IMPG2: variants seen among roughly 807,000 people sequenced by gnomAD.
IMPG2 encodes the protein interphotoreceptor matrix proteoglycan 2.
IMPG2 carries 91 observed loss-of-function variants against 129.2 expected under a neutral mutation model. That is an observed-to-expected ratio of 0.70 (90% CI 0.59 to 0.84). The LOEUF is 0.84. Among genes scored for constraint, IMPG2 ranks in the 40% least tolerant of loss-of-function variants. The pLI is 0.00. For missense variants in IMPG2, 1,430 were observed against 1,461.7 expected (o/e 0.98, Z 0.35); for synonymous variants, 510 against 517.7 (o/e 0.99, Z 0.20).
At chr3:101,231,268 A>C (rs1000459991) in intron 15 of IMPG2, 123 bp from the exon 16 acceptor site, 3 of 922,520 alleles carry the variant, frequency 3.3e-6, no homozygotes, top group Non-Finnish European at 3.6e-6. Flanking sequence ...GTGAAGCTTC[A>C]TAAAGAGTTG....
Position 101,276,757 on chromosome 3 carries a change from G to C in IMPG2, c.534-44C>G, listed in dbSNP as rs779829269. 8.9e-6 allele frequency: 13 copies of C among 1,464,122 alleles called. No homozygotes were observed. In the East Asian group the frequency reaches 2.7e-4, roughly 31 times the overall value. The allele number at this position is 1,464,122 out of a possible 1,614,324, so 90.7% of individuals were successfully genotyped here. On this transcript the variant is annotated intron_variant, in intron 4 of 18. Coordinates refer to ENST00000193391, the MANE Select transcript of IMPG2 (RefSeq NM_016247.4). The stretch of plus-strand genomic sequence containing the variant: ...GCAGTTAATAAAATGACAGACACAT[G>C]AGAGTTTATTTTGGGATTTTTGGGG...
chr3:101,306,850 A>T lies in IMPG2; in HGVS notation c.335-2538T>A, dbSNP rs534938881. Reference sequence around the variant, plus strand: ...GACAAAGATTTTATAGGCAGTACACAGAAAGCAACAATTATGAAAGAAAAA... The same window carrying T: ...GACAAAGATTTTATAGGCAGTACACTGAAAGCAACAATTATGAAAGAAAAA... On this transcript the variant is annotated intron_variant, in intron 2 of 18. Transcript: ENST00000193391. Among the ~76,000 whole-genome samples, 17 of 152,312 alleles carry T rather than the reference A, an allele frequency of 1.1e-4. No individual in the cohort carries two copies. The South Asian group carries it at 1.9e-3, about 17-fold the overall frequency.
chr3:101,292,537 TC>T (rs1233124192), intron 3 of IMPG2, among the ~76,000 whole-genome samples: 3 of 152,232 alleles, frequency 2.0e-5, no homozygotes, highest in Non-Finnish European at 4.4e-5. Flanking sequence ...CAAGTCATCA[TC>T]TTTCTGCTTC....
intron 18 of IMPG2, among the ~76,000 whole-genome samples, chr3:101,228,269 G>C (rs1183532350): frequency 1.3e-5 from 2 of 152,176 alleles, no homozygotes; most frequent in Admixed American, 1.3e-4. Flanking sequence ...AGTTTAATGA[G>C]ATTTGTAATT....
rs979479484 is a variant in IMPG2, at chr3:101,257,831, C to T, written c.909-58G>A. On this transcript the variant is annotated intron_variant, in intron 9 of 18. Transcript: ENST00000193391. ...AGCTAAGGAAGCACAAAGAAAGGAG[C>T]ATTGAACCCATGAAGAACAAACATT... 5.0e-6 allele frequency: 8 copies of T among 1,584,386 alleles called. No individual in the cohort carries two copies. In the African/African-American group the frequency reaches 1.1e-4, roughly 21 times the overall value.
chr3:101,256,151 AAG>A (rs1200208781), intron 10 of IMPG2, among the ~76,000 whole-genome samples: 1 of 101,092 alleles, frequency 9.9e-6, no homozygotes, highest in Non-Finnish European at 2.2e-5. Context: ...AAAGAAAAGA[AAG>A]AAAGAAAGAA....
rs1706626058 is a variant in IMPG2, at chr3:101,257,683, C to G, written c.999G>C (p.Val333=). 6.2e-7 allele frequency: 1 copy of G among 1,613,324 alleles called. No individual in the cohort carries two copies. The highest frequency in any genetic ancestry group is 1.1e-5 in the South Asian group (1 of 91,076). Residue 333 remains valine (V), a synonymous_variant, in exon 10 of 19, where the codon GTG becomes GTC. Transcript: ENST00000193391. ...WDLISLHSNK[V]ENHGLVELDD... ...CCAGTTCCACAAGGCCATGGTTTTC[C>G]ACCTTGTTGGAGTGAAGGCTAATGA...
At chr3:101,314,054 A>C (rs1311099370) in intron 2 of IMPG2, among the ~76,000 whole-genome samples, 1 of 152,144 alleles carries the variant, frequency 6.6e-6, no homozygotes, top group African/African-American at 2.4e-5. Context: ...TACACTAAAC[A>C]TTGGTTATAT....
chr3:101,291,451 A>T (rs1222237411), intron 4 of IMPG2, 28 bp downstream of exon 4: 1 of 1,601,078 alleles, frequency 6.2e-7, no homozygotes, highest in Admixed American at 1.7e-5. Flanking sequence ...GTTGCCAAAC[A>T]TGAATTTTGG....
At chr3:101,284,816 A>C (rs1706928375) in intron 4 of IMPG2, among the ~76,000 whole-genome samples, 2 of 152,168 alleles carry the variant, frequency 1.3e-5, no homozygotes, top group Admixed American at 1.3e-4. Context: ...GAGTAGGCTT[A>C]ATATTTGTCT....
intron 9 of IMPG2, among the ~76,000 whole-genome samples, chr3:101,265,145 A>G (rs1161295267): frequency 3.3e-5 from 5 of 152,110 alleles, no homozygotes; most frequent in African/African-American, 4.8e-5. Flanking sequence ...GATTTGAAGC[A>G]ATCCTTATCA....
At position 101,244,220 on chromosome 3, in the gene IMPG2, T is replaced by C; in HGVS notation, c.2111A>G (p.Lys704Arg). The C allele has an allele frequency of 6.2e-7, 1 of 1,613,972 alleles. No homozygotes were observed. The highest frequency in any genetic ancestry group is 8.5e-7 in the Non-Finnish European group (1 of 1,179,982). Residue 704 changes from lysine to arginine, a missense_variant, in exon 13 of 19, where the codon AAG becomes AGG. By Grantham distance (26) the Lys-to-Arg change is conservative (BLOSUM62 2). Transcript: ENST00000193391. ...AACACCAGGTACTTCTGATATGTGC[T>C]TGGGGAGGGTTAGAGACGCAGATTC... ...AAESASLTLP[K>R]HISEVPGVDD...
chr3:101,271,439 TAGTC>T (rs1278131939), intron 7 of IMPG2, among the ~76,000 whole-genome samples: 2 of 152,218 alleles, frequency 1.3e-5, no homozygotes, highest in African/African-American at 2.4e-5. Context: ...TTGATATTAA[TAGTC>T]AGTAAAATTT....
chr3:101,257,822 A>G (rs1169192501), intron 9 of IMPG2, 49 bp from the exon 10 acceptor site: 1 of 1,604,026 alleles, frequency 6.2e-7, no homozygotes, highest in Non-Finnish European at 8.5e-7. Flanking sequence ...GGAAGCACAA[A>G]GAAAGGAGCA....
In IMPG2 at chr3:101,284,106, C is replaced by T. The variant is rs185258629; in HGVS notation, c.533+7373G>A. Among the ~76,000 whole-genome samples the T allele has an allele frequency of 5.3e-4, 80 of 152,078 alleles. No homozygotes were observed. The South Asian group carries it at 8.1e-3, about 15-fold the overall frequency. On this transcript the variant is annotated intron_variant, in intron 4 of 18. Transcript: ENST00000193391. ...GATTGGATGTGAGGTGTGGGAGAAA[C>T]GGAAATATAAAGCATGATCACAAAG...
intron 10 of IMPG2, 132 bp downstream of exon 10, chr3:101,257,397 A>G: frequency 9.7e-7 from 1 of 1,032,576 alleles, no homozygotes; most frequent in Non-Finnish European, 1.4e-6. Context: ...AACTCCATTC[A>G]TATCAGGTTG....
intron 9 of IMPG2, among the ~76,000 whole-genome samples, chr3:101,263,088 A>G (rs113813331): frequency 9.5e-4 from 144 of 152,236 alleles, no homozygotes; most frequent in African/African-American, 3.2e-3. Flanking sequence ...ATAGACCCCA[A>G]TACAATAACA....
intron 10 of IMPG2, among the ~76,000 whole-genome samples, chr3:101,256,552 T>C (rs1370622869): frequency 1.3e-5 from 2 of 152,114 alleles, no homozygotes; most frequent in Non-Finnish European, 2.9e-5. Flanking sequence ...CCAACAAGCC[T>C]CTCTGGCTTC....
In IMPG2 at chr3:101,307,677, C is replaced by T. The variant is rs774807333; in HGVS notation, c.335-3365G>A. Among the ~76,000 whole-genome samples, 209 of 152,254 alleles carry T rather than the reference C, an allele frequency of 1.4e-3. No individual in the cohort carries two copies. In the Middle Eastern group the frequency reaches 0.017, roughly 12 times the overall value. ...CCTCCAACACATAAGGATTACAATT[C>T]GGATTAAAATTCAAGATGAGATTTT... On this transcript the variant is annotated intron_variant, in intron 2 of 18. Transcript: ENST00000193391.
Sources: gnomAD v4.1 joint callset for allele counts (sites outside exome capture counted in the v4.1 genomes callset) on GRCh38, gnomAD v4.1.1 for gene constraint, MANE v1.5 for transcripts, NCBI Gene and HGNC (gene_info 2026-07-23, HGNC 2026-07-21) for gene names.